Variants in ATG5 observed in about 807,000 individuals in gnomAD.
The protein encoded by ATG5 is autophagy related 5.
A neutral mutation model predicts 36.5 loss-of-function variants in ATG5; 14 were observed. That is an observed-to-expected ratio of 0.38 (90% CI 0.25 to 0.60). The LOEUF is 0.60. Ranked by LOEUF, ATG5 falls within the 20% of genes least tolerant of loss-of-function variation. ATG5 has a pLI of 0.60. For missense variants in ATG5, 195 were observed against 326.7 expected (o/e 0.60, Z 3.11); for synonymous variants, 95 against 101.5 (o/e 0.94, Z 0.38).
chr6:106,201,642 T>C (rs1460175272), intron 7 of ATG5: 1 of 158,168 alleles, frequency 6.3e-6, no homozygotes. Flanking sequence ...TTACCATTTC[T>C]GACTTCTTTA....
intron 3 of ATG5, among the ~76,000 whole-genome samples, chr6:106,306,745 T>A (rs895924292): frequency 1.3e-5 from 2 of 152,086 alleles, no homozygotes; most frequent in African/African-American, 2.4e-5. Context: ...TCTCCCACAC[T>A]GTTTCCCCGT....
At chr6:106,287,178 G>C (rs1347087874) in intron 4 of ATG5, among the ~76,000 whole-genome samples, 1 of 152,224 alleles carries the variant, frequency 6.6e-6, no homozygotes, top group African/African-American at 2.4e-5. Flanking sequence ...CTTCAGGAAA[G>C]AAAAGCTACC....
Position 106,279,677 on chromosome 6 carries a change from C to T in ATG5, c.462G>A (p.Trp154Ter). 1 of 1,597,628 alleles carries T rather than the reference C, an allele frequency of 6.3e-7. No individual in the cohort carries two copies. The highest frequency in any genetic ancestry group is 8.5e-7 in the Non-Finnish European group (1 of 1,173,390). ...EMQKKDHKQL[W>*]MGLQNDRFDQ... Reference sequence around the variant, plus strand: ...TATACTTACCATTTTGCAATCCCATCCAGAGTTGCTTGTGATCTTTTTTCT... The same window carrying T: ...TATACTTACCATTTTGCAATCCCATTCAGAGTTGCTTGTGATCTTTTTTCT... The change falls in exon 5 of 8, where the codon TGG (tryptophan) becomes TGA (stop). Residue 154 changes from tryptophan to a stop codon, truncating the protein, a stop_gained. Transcript: ENST00000369076. LOFTEE classifies it high-confidence loss of function.
At chr6:106,212,148 G>C (rs1360713460) in intron 6 of ATG5, among the ~76,000 whole-genome samples, 1 of 152,180 alleles carries the variant, frequency 6.6e-6, no homozygotes, top group African/African-American at 2.4e-5. Flanking sequence ...ATCTAGAAAA[G>C]GGATGGACTC....
intron 7 of ATG5, 146 bp from the exon 8 acceptor site, chr6:106,186,822 T>A: frequency 3.2e-6 from 3 of 941,340 alleles, no homozygotes; most frequent in Non-Finnish European, 4.7e-6. Context: ...ATGGAGAAAG[T>A]TCAAATGTTG....
At chr6:106,188,455 A>T (rs1452542639) in intron 7 of ATG5, among the ~76,000 whole-genome samples, 1 of 152,212 alleles carries the variant, frequency 6.6e-6, no homozygotes, top group Non-Finnish European at 1.5e-5. Flanking sequence ...ACCTTTGTAT[A>T]CTATGAAACA....
chr6:106,185,548 A>G lies in ATG5; in HGVS notation c.*992T>C, dbSNP rs1775733563. ...AGACAGGTAATCTTTAAACTTCAAAAGACTGGCTGCCAGGGACCACAGTGA... is the reference window on the plus strand; with the variant it reads ...AGACAGGTAATCTTTAAACTTCAAAGGACTGGCTGCCAGGGACCACAGTGA... On this transcript the variant is annotated 3_prime_UTR_variant, in exon 8 of 8. Transcript: ENST00000369076. 1 of 152,348 alleles carries G rather than the reference A, an allele frequency of 6.6e-6. No individual in the cohort carries two copies. The highest frequency in any genetic ancestry group is 1.5e-5 in the Non-Finnish European group (1 of 68,038). 9.4% of individuals were successfully genotyped at this position (152,348 alleles called of 1,614,324 possible). A position where few individuals can be genotyped will look rare whatever the true frequency, so the allele number is the denominator to read the frequency against.
intron 6 of ATG5, among the ~76,000 whole-genome samples, chr6:106,212,522 C>T (rs140751020): frequency 0.015 from 2,318 of 152,242 alleles, 34 homozygotes; most frequent in Non-Finnish European, 0.025. Context: ...GCTTGTAATC[C>T]CAGCTACTCG....
intron 6 of ATG5, among the ~76,000 whole-genome samples, chr6:106,230,490 G>A (rs1231610067): frequency 6.6e-6 from 1 of 152,170 alleles, no homozygotes; most frequent in Non-Finnish European, 1.5e-5. Context: ...GGCGGGAAAA[G>A]GGGTGAGGGC....
chr6:106,303,569 C>T (rs761381315), intron 3 of ATG5, among the ~76,000 whole-genome samples: 6 of 151,964 alleles, frequency 3.9e-5, no homozygotes, highest in Non-Finnish European at 8.8e-5. Flanking sequence ...TTATAAAGCC[C>T]GTATAACCCT....
In ATG5 at chr6:106,322,804, C is replaced by T. The variant is rs527447550; in HGVS notation, c.-59+2722G>A. 5.3e-5 allele frequency among the ~76,000 whole-genome samples: 8 copies of T among 152,364 alleles called. No homozygotes were observed. In the South Asian group the frequency reaches 1.4e-3, roughly 28 times the overall value. ...ACAGTTTTATCTTCTGTCCAGACTT[C>T]TCTTTTGAACTGGCTGGCTTCACAT... On this transcript the variant is annotated intron_variant, in intron 1 of 7. Transcript: ENST00000369076.
chr6:106,293,978 T>A (rs77796387), intron 3 of ATG5, among the ~76,000 whole-genome samples: 2 of 152,174 alleles, frequency 1.3e-5, no homozygotes, highest in Non-Finnish European at 2.9e-5. Context: ...TTTTTTTTTT[T>A]TCTTCAAATT....
At chr6:106,302,255 CG>C (rs1217874603) in intron 3 of ATG5, among the ~76,000 whole-genome samples, 1 of 151,952 alleles carries the variant, frequency 6.6e-6, no homozygotes, top group Non-Finnish European at 1.5e-5. Context: ...AGCAAAGAAA[CG>C]GAAGCCCAAA....
At chr6:106,221,283 A>T (rs966271066) in intron 6 of ATG5, among the ~76,000 whole-genome samples, 1 of 152,214 alleles carries the variant, frequency 6.6e-6, no homozygotes, top group South Asian at 2.1e-4. Flanking sequence ...GTACATTAAG[A>T]TTTTATTTGT....
chr6:106,254,087 C>T (rs1426850222), intron 5 of ATG5, among the ~76,000 whole-genome samples: 3 of 152,132 alleles, frequency 2.0e-5, no homozygotes, highest in Non-Finnish European at 4.4e-5. Context: ...TTTTTCTTTT[C>T]GGTCCCTAGT....
At chr6:106,201,050 C>T (rs527289891) in intron 7 of ATG5, among the ~76,000 whole-genome samples, 2 of 152,168 alleles carry the variant, frequency 1.3e-5, no homozygotes, top group Admixed American at 1.3e-4. Flanking sequence ...CTCTAGATTA[C>T]TTGTAATATT....
At chr6:106,202,372 A>C in intron 6 of ATG5, 1 of 244,156 alleles carries the variant, frequency 4.1e-6, no homozygotes, top group Non-Finnish European at 7.9e-6. Flanking sequence ...AAAGCAAACA[A>C]CACAAAAAGA....
chr6:106,292,327 GA>G (rs1780341962), intron 4 of ATG5, among the ~76,000 whole-genome samples: 1 of 152,214 alleles, frequency 6.6e-6, no homozygotes, highest in Non-Finnish European at 1.5e-5. Context: ...TGGTGTTTGT[GA>G]ATTGGGGGAG....
chr6:106,196,972 CA>C (rs1312444898), intron 7 of ATG5, among the ~76,000 whole-genome samples: 1 of 152,160 alleles, frequency 6.6e-6, no homozygotes, highest in African/African-American at 2.4e-5. Flanking sequence ...TTAGTTTTTA[CA>C]GATAAAACAC....
Sources: allele counts gnomAD v4.1 joint callset (sites outside exome capture counted in the v4.1 genomes callset), GRCh38; gene constraint gnomAD v4.1.1; transcripts MANE v1.5; gene names NCBI Gene and HGNC (gene_info 2026-07-23, HGNC 2026-07-21).